DCC: variants seen among roughly 807,000 people sequenced by gnomAD.
The protein encoded by DCC is DCC netrin 1 receptor.
A neutral mutation model predicts 172.5 loss-of-function variants in DCC; 58 were observed. The ratio of observed to expected loss-of-function variants is 0.34; its 90% CI spans 0.27 to 0.42. DCC has a LOEUF of 0.42. Ranked by LOEUF, DCC falls within the 10% of genes least tolerant of loss-of-function variation. The probability of loss-of-function intolerance (pLI) is 1.00; values close to 1 mark genes in which losing one functional copy is unlikely to be tolerated. For missense variants in DCC, 1,740 were observed against 1,791.0 expected (o/e 0.97, Z 0.51); for synonymous variants, 709 against 644.5 (o/e 1.10, Z -1.52).
chr18:53,275,192 C>T (rs1408524044), intron 12 of DCC, among the ~76,000 whole-genome samples: 1 of 152,102 alleles, frequency 6.6e-6, no homozygotes, highest in Non-Finnish European at 1.5e-5. Flanking sequence ...AGAGATAAAA[C>T]ATGCATTGAA....
intron 5 of DCC, among the ~76,000 whole-genome samples, chr18:52,943,519 G>T (rs2040494967): frequency 6.6e-6 from 1 of 152,092 alleles, no homozygotes; most frequent in African/African-American, 2.4e-5. Context: ...AAAATGTTTT[G>T]TAATCTCTAT....
chr18:53,498,263 A>ATTATCTCACTAATTATCTTGAAAT, intron 26 of DCC, among the ~76,000 whole-genome samples: 1 of 152,232 alleles, frequency 6.6e-6, no homozygotes, highest in East Asian at 1.9e-4. Context: ...TTGTCTCAAA[A>ATTATCTCACTAATTATCTTGAAAT]TTATCTCACT....
At chr18:52,763,707 C>A (rs116253156) in intron 2 of DCC, among the ~76,000 whole-genome samples, 70 of 152,300 alleles carry the variant, frequency 4.6e-4, no homozygotes, top group African/African-American at 1.6e-3. Context: ...GTGCAACCAC[C>A]ACCACTATCT....
At chr18:53,450,120 G>GATATATAT (rs59116255) in intron 22 of DCC, among the ~76,000 whole-genome samples, 14 of 147,218 alleles carry the variant, frequency 9.5e-5, no homozygotes, top group South Asian at 6.5e-4. Flanking sequence ...ATCATAGGGG[G>GATATATAT]ATATATATAT....
At chr18:52,967,680 T>A (rs2040957984) in intron 5 of DCC, among the ~76,000 whole-genome samples, 3 of 152,330 alleles carry the variant, frequency 2.0e-5, no homozygotes, top group South Asian at 4.1e-4. Context: ...TCTCCTCTTC[T>A]GATATATTAG....
At chr18:52,944,132 T>C (rs1297920648) in intron 5 of DCC, among the ~76,000 whole-genome samples, 1 of 152,166 alleles carries the variant, frequency 6.6e-6, no homozygotes, top group Admixed American at 6.5e-5. Context: ...TAAAAAATCA[T>C]TCTAATAACA....
Position 53,511,328 on chromosome 18 carries a change from A to G in DCC, c.4111+11818A>G, listed in dbSNP as rs551000743. On this transcript the variant is annotated intron_variant, in intron 27 of 28. Coordinates refer to ENST00000442544, the MANE Select transcript of DCC (RefSeq NM_005215.4). ...TCTTCCTCCCTCCCTGACTACAAGAATATTCGACCTGCTAGCTGTAAACTG... is the reference window on the plus strand; with the variant it reads ...TCTTCCTCCCTCCCTGACTACAAGAGTATTCGACCTGCTAGCTGTAAACTG... 8.5e-5 allele frequency among the ~76,000 whole-genome samples: 13 copies of G among 152,362 alleles called. No individual in the cohort carries two copies. The South Asian group carries it at 2.7e-3, about 32-fold the overall frequency.
chr18:52,489,536 T>C (rs2030396671), intron 1 of DCC, among the ~76,000 whole-genome samples: 2 of 152,140 alleles, frequency 1.3e-5, no homozygotes, highest in South Asian at 4.1e-4. Context: ...ATTAGAAAGA[T>C]TGATTCTCAG....
At chr18:52,411,809 A>G (rs1986852149) in intron 1 of DCC, among the ~76,000 whole-genome samples, 1 of 152,168 alleles carries the variant, frequency 6.6e-6, no homozygotes, top group Admixed American at 6.6e-5. Context: ...GAGACGAAAT[A>G]GATCGATAGA....
chr18:53,296,470 G>C (rs557176258), intron 12 of DCC, among the ~76,000 whole-genome samples: 1 of 152,292 alleles, frequency 6.6e-6, no homozygotes, highest in Admixed American at 6.5e-5. Context: ...CTGCTGATGA[G>C]AAAACTCAGT....
chr18:53,335,299 A>G (rs1183040932), intron 14 of DCC, among the ~76,000 whole-genome samples: 2 of 152,134 alleles, frequency 1.3e-5, no homozygotes, highest in Admixed American at 1.3e-4. Flanking sequence ...TCAGCATAGC[A>G]CTTATCAAGA....
chr18:52,518,727 G>T (rs2031716170), intron 1 of DCC, among the ~76,000 whole-genome samples: 1 of 152,194 alleles, frequency 6.6e-6, no homozygotes, highest in Non-Finnish European at 1.5e-5. Context: ...AACAGTGATG[G>T]TAATTATTAA....
chr18:52,363,328 A>G (rs558883662), intron 1 of DCC, among the ~76,000 whole-genome samples: 1 of 152,312 alleles, frequency 6.6e-6, no homozygotes, highest in East Asian at 1.9e-4. Context: ...TAGAGCTCTT[A>G]TATTTTGATA....
intron 15 of DCC, among the ~76,000 whole-genome samples, chr18:53,351,365 T>TATAC (rs2057800191): frequency 4.0e-5 from 3 of 74,100 alleles, no homozygotes; most frequent in Non-Finnish European, 8.3e-5. Context: ...TATATATATA[T>TATAC]ACTGTATATA....
chr18:52,886,520 T>C (rs987758170), intron 2 of DCC, among the ~76,000 whole-genome samples: 5 of 152,186 alleles, frequency 3.3e-5, no homozygotes, highest in African/African-American at 1.2e-4. Flanking sequence ...TGTGTGCATC[T>C]TGCATTACCT....
At chr18:53,172,652 C>G (rs538069778) in intron 8 of DCC, among the ~76,000 whole-genome samples, 2 of 151,902 alleles carry the variant, frequency 1.3e-5, no homozygotes, top group African/African-American at 4.8e-5. Context: ...CCTTTGATAA[C>G]AATGTTGCTT....
chr18:52,846,651 A>ACACACT (rs1353212903), intron 2 of DCC, among the ~76,000 whole-genome samples: 2 of 145,080 alleles, frequency 1.4e-5, no homozygotes, highest in Admixed American at 1.4e-4. Context: ...ACACACACAC[A>ACACACT]CTTGGGGATA....
At chr18:52,979,291 T>C (rs2041169569) in intron 5 of DCC, among the ~76,000 whole-genome samples, 1 of 152,164 alleles carries the variant, frequency 6.6e-6, no homozygotes, top group South Asian at 2.1e-4. Flanking sequence ...TGACTATCTC[T>C]TCCTGGGAGA....
intron 12 of DCC, among the ~76,000 whole-genome samples, chr18:53,287,290 A>G (rs2056947749): frequency 1.3e-5 from 2 of 152,186 alleles, no homozygotes; most frequent in Non-Finnish European, 1.5e-5. Context: ...AGGTTCATCC[A>G]TATTGTAGAA....
Sources: allele counts gnomAD v4.1 joint callset (sites outside exome capture counted in the v4.1 genomes callset), GRCh38; gene constraint gnomAD v4.1.1; transcripts MANE v1.5; gene names NCBI Gene and HGNC (gene_info 2026-07-23, HGNC 2026-07-21).